Variants in NSUN4 observed in about 807,000 individuals in gnomAD.
NSUN4 encodes the protein 5-cytosine rRNA methyltransferase NSUN4.
A neutral mutation model predicts 43.8 loss-of-function variants in NSUN4; 31 were observed. That is an observed-to-expected ratio of 0.71 (90% CI 0.53 to 0.96). The LOEUF is 0.96. Ranked by LOEUF, NSUN4 falls within the 40% of genes least tolerant of loss-of-function variation. The pLI is 0.00. For synonymous variants in NSUN4, 167 were observed against 184.1 expected, an observed-to-expected ratio of 0.91 and a Z score of 0.75; for missense variants, 439 against 475.6, an observed-to-expected ratio of 0.92 and a Z score of 0.72.
the NSUN4 span, among the ~76,000 whole-genome samples, chr1:46,375,399 C>T: frequency 6.7e-6 from 1 of 149,864 alleles, no homozygotes; most frequent in African/African-American, 2.5e-5. Context: ...CACGCCATTG[C>T]ACTCCAGCCT....
At chr1:46,341,048 CCT>C in intron 1 of NSUN4, 129 bp downstream of exon 1, 9 of 1,109,514 alleles carry the variant, frequency 8.1e-6, no homozygotes, top group South Asian at 1.7e-5. Flanking sequence ...TAGGCACCTC[CCT>C]CTCTCGTCTT....
chr1:46,362,167 G>C lies in NSUN4; in HGVS notation c.*321G>C, dbSNP rs1328457484. On this transcript the variant is annotated 3_prime_UTR_variant, in exon 6 of 6. Coordinates refer to ENST00000474844, the MANE Select transcript of NSUN4 (RefSeq NM_199044.4). ...AGTTGTAAACATAGGAGAAGCATTT[G>C]GCCAATAAAGTTGTTGAAACTCTAT... 2.9e-6 allele frequency: 1 copy of C among 340,120 alleles called. No homozygotes were observed. Among genetic ancestry groups the C allele is most frequent in the Non-Finnish European group, 5.5e-6 (1 of 183,308 alleles). The allele number at this position is 340,120 out of a possible 1,614,324, so 21.1% of individuals were successfully genotyped here.
chr1:46,364,582 G>C lies in NSUN4; in HGVS notation c.*2736G>C, dbSNP rs1664071478. ...AGCTACTCAGTAGGCTGGAGCGGGAGAACTGCTTGAACCTGGGAGGTGGAG... is the reference window on the plus strand; with the variant it reads ...AGCTACTCAGTAGGCTGGAGCGGGACAACTGCTTGAACCTGGGAGGTGGAG... On this transcript the variant is annotated 3_prime_UTR_variant, in exon 6 of 6. Coordinates refer to ENST00000474844, the MANE Select transcript of NSUN4 (RefSeq NM_199044.4). The C allele has an allele frequency of 2.6e-5, 4 of 152,366 alleles. No individual in the cohort carries two copies. Among genetic ancestry groups the C allele is most frequent in the Admixed American group, 2.6e-4 (4 of 15,276 alleles). The allele number at this position is 152,366 out of a possible 1,614,324, so 9.4% of individuals were successfully genotyped here.
At chr1:46,344,302 A>AC (rs1365804900) in intron 1 of NSUN4, 1 of 159,810 alleles carries the variant, frequency 6.3e-6, no homozygotes, top group Non-Finnish European at 1.4e-5. Context: ...TAGGTAAGTT[A>AC]CCCACATCTC....
chr1:46,342,320 A>G (rs41293283), intron 1 of NSUN4: 149 of 399,322 alleles, frequency 3.7e-4, no homozygotes, highest in Non-Finnish European at 5.2e-4. Context: ...CCCTTGAGAA[A>G]AATTGTTGTG....
chr1:46,345,883 C>G (rs1442485082), intron 2 of NSUN4, among the ~76,000 whole-genome samples: 1 of 152,180 alleles, frequency 6.6e-6, no homozygotes. Flanking sequence ...GGTGTGGTGG[C>G]TCACGCCTTT....
At chr1:46,358,277 G>T (rs1476431880) in intron 4 of NSUN4, among the ~76,000 whole-genome samples, 1 of 151,866 alleles carries the variant, frequency 6.6e-6, no homozygotes, top group African/African-American at 2.4e-5. Context: ...TGTATTTTTA[G>T]TAGAGACAGG....
At chr1:46,341,797 C>G in intron 1 of NSUN4, 1 of 1,232,582 alleles carries the variant, frequency 8.1e-7, no homozygotes, top group Non-Finnish European at 1.0e-6. Flanking sequence ...GGGTCACCCC[C>G]TCTCTGTCAG....
chr1:46,371,859 A>G, the NSUN4 span, among the ~76,000 whole-genome samples: 1 of 152,006 alleles, frequency 6.6e-6, no homozygotes, highest in African/African-American at 2.4e-5. Flanking sequence ...AAATGACCAG[A>G]TCTCATGTGA....
At chr1:46,377,111 G>A in the NSUN4 span, among the ~76,000 whole-genome samples, 3 of 150,958 alleles carry the variant, frequency 2.0e-5, no homozygotes, top group East Asian at 5.9e-4. Context: ...GTGTAGTGGC[G>A]TGATCTCAGC....
At chr1:46,344,705 GAT>G in intron 1 of NSUN4, 94 bp from the exon 2 acceptor site, 1 of 1,072,384 alleles carries the variant, frequency 9.3e-7, no homozygotes, top group Non-Finnish European at 1.4e-6. Context: ...GCACTAGCTG[GAT>G]CCAAGTTTGC....
chr1:46,367,763 CTT>C (rs35109012), downstream of NSUN4, among the ~76,000 whole-genome samples: 2,552 of 124,586 alleles, frequency 0.02, 75 homozygotes, highest in African/African-American at 0.065. Context: ...TCTGAAATTT[CTT>C]TTTTTTTTTT....
chr1:46,357,326 T>C (rs2145409), intron 4 of NSUN4, among the ~76,000 whole-genome samples: 52,569 of 152,072 alleles, frequency 0.35, 9,709 homozygotes, highest in South Asian at 0.5. Flanking sequence ...AGTACAGGCA[T>C]GTGCCAGCAT....
At chr1:46,377,094 GGC>G in the NSUN4 span, among the ~76,000 whole-genome samples, 1 of 151,624 alleles carries the variant, frequency 6.6e-6, no homozygotes, top group African/African-American at 2.4e-5. Flanking sequence ...CTGTTGCCCA[GGC>G]TGGAGTGTAG....
At chr1:46,373,201 T>C in the NSUN4 span, among the ~76,000 whole-genome samples, 1 of 151,886 alleles carries the variant, frequency 6.6e-6, no homozygotes, top group Admixed American at 6.5e-5. Context: ...TTCTGATCCT[T>C]CACCAGCACT....
chr1:46,382,258 G>A, the NSUN4 span, among the ~76,000 whole-genome samples: 4 of 152,280 alleles, frequency 2.6e-5, no homozygotes, highest in East Asian at 1.9e-4. Context: ...GTGTTTCCCC[G>A]CACAAAGCAC....
the NSUN4 span, among the ~76,000 whole-genome samples, chr1:46,371,884 G>A: frequency 6.6e-6 from 1 of 152,026 alleles, no homozygotes; most frequent in African/African-American, 2.4e-5. Flanking sequence ...AGAGAGCAAG[G>A]GTATGCTTAT....
At chr1:46,375,736 CAAAAAAAA>C in the NSUN4 span, among the ~76,000 whole-genome samples, 1 of 69,902 alleles carries the variant, frequency 1.4e-5, no homozygotes, top group Non-Finnish European at 2.4e-5. Context: ...GACTCTGTCT[CAAAAAAAA>C]AAAAAAAAAA....
Position 46,352,988 on chromosome 1 carries a change from G to A in NSUN4, c.713G>A (p.Gly238Asp), listed in dbSNP as rs1334468728. 1.2e-6 allele frequency: 2 copies of A among 1,614,170 alleles called. No homozygotes were observed. The highest frequency in any genetic ancestry group is 8.5e-7 in the Non-Finnish European group (1 of 1,180,006). Residue 238 changes from glycine (G) to aspartate (D), a missense_variant, in exon 4 of 6, where the codon GGC becomes GAC. Transcript: ENST00000474844. The stretch of plus-strand genomic sequence containing the variant: ...CAAGTTCGAGTTACCTCATGGGATG[G>A]CAGGAAATGGGGAGAACTGGAGGGG... ...GNQVRVTSWD[G>D]RKWGELEGDT...
Sources: allele counts gnomAD v4.1 joint callset (sites outside exome capture counted in the v4.1 genomes callset), GRCh38; gene constraint gnomAD v4.1.1; transcripts MANE v1.5; gene names NCBI Gene and HGNC (gene_info 2026-07-23, HGNC 2026-07-21).